DCUN1D4: variants seen among roughly 807,000 people sequenced by gnomAD.
DCUN1D4 encodes defective in cullin neddylation 1 domain containing 4.
In DCUN1D4, 22 loss-of-function variants were observed where a neutral mutation model predicts 47.9. The ratio of observed to expected loss-of-function variants is 0.46; its 90% CI spans 0.33 to 0.66. DCUN1D4 has a LOEUF of 0.66. Among genes scored for constraint, DCUN1D4 ranks in the 30% least tolerant of loss-of-function variants. The probability of loss-of-function intolerance (pLI) is 0.02; values close to 1 mark genes in which losing one functional copy is unlikely to be tolerated. For missense variants in DCUN1D4, 301 were observed against 340.8 expected (o/e 0.88, Z 0.92); for synonymous variants, 121 against 112.2 (o/e 1.08, Z -0.50).
chr4:51,837,926 C>T, the DCUN1D4 span, among the ~76,000 whole-genome samples: 1 of 152,088 alleles, frequency 6.6e-6, no homozygotes, highest in African/African-American at 2.4e-5. Context: ...CCTGCAATCC[C>T]AGCACTTTGA....
rs1056557471 is a variant in DCUN1D4, at chr4:51,914,115, A to T, written c.*531A>T. On this transcript the variant is annotated 3_prime_UTR_variant, in exon 11 of 11. Coordinates refer to ENST00000334635, the MANE Select transcript of DCUN1D4 (RefSeq NM_001040402.3). ...AACTTTTTAGAGGCATATGCCAAAT[A>T]TCATTTGGTATACTTAACAATATTA... 6.5e-6 allele frequency: 1 copy of T among 152,798 alleles called. No homozygotes were observed. The highest frequency in any genetic ancestry group is 2.4e-5 in the African/African-American group (1 of 41,450). The allele number at this position is 152,798 out of a possible 1,614,324, so 9.5% of individuals were successfully genotyped here.
the DCUN1D4 span, among the ~76,000 whole-genome samples, chr4:51,834,108 T>TTTTTC: frequency 9.5e-5 from 12 of 125,968 alleles, 1 homozygote; most frequent in African/African-American, 4.6e-4. Context: ...TCTTTCTTTT[T>TTTTTC]TTTTTCTTTT....
upstream of DCUN1D4, among the ~76,000 whole-genome samples, chr4:51,840,250 A>T (rs1721596238): frequency 1.3e-5 from 2 of 152,188 alleles, no homozygotes; most frequent in Admixed American, 1.3e-4. Context: ...CTTTGGGAAT[A>T]CTACAAATGA....
chr4:51,874,455 A>G (rs1008127820), intron 4 of DCUN1D4, 70 bp downstream of exon 4: 11 of 1,151,222 alleles, frequency 9.6e-6, no homozygotes, highest in Non-Finnish European at 1.2e-5. Flanking sequence ...TACCTAATTC[A>G]GTGTGGGTCT....
At chr4:51,869,410 G>A (rs1223026897) in intron 3 of DCUN1D4, among the ~76,000 whole-genome samples, 1 of 152,132 alleles carries the variant, frequency 6.6e-6, no homozygotes. Flanking sequence ...TACTGAAGTG[G>A]CAGAATGAGC....
chr4:51,864,307 G>C (rs1725556186), intron 3 of DCUN1D4, among the ~76,000 whole-genome samples: 1 of 152,154 alleles, frequency 6.6e-6, no homozygotes, highest in Admixed American at 6.5e-5. Context: ...AGCTGGTCTG[G>C]AGACCACTCT....
At chr4:51,891,914 C>G in intron 7 of DCUN1D4, 63 bp downstream of exon 7, 5 of 1,280,500 alleles carry the variant, frequency 3.9e-6, no homozygotes, top group South Asian at 3.9e-5. Flanking sequence ...TCCTTCCTCC[C>G]TAGGACTTCA....
chr4:51,876,896 A>G (rs1003004451), intron 4 of DCUN1D4, among the ~76,000 whole-genome samples: 1 of 152,192 alleles, frequency 6.6e-6, no homozygotes, highest in African/African-American at 2.4e-5. Context: ...ATACACCACT[A>G]GGTAATTTAT....
chr4:51,882,738 G>A (rs944268082), intron 5 of DCUN1D4, among the ~76,000 whole-genome samples: 2 of 152,134 alleles, frequency 1.3e-5, no homozygotes, highest in African/African-American at 4.8e-5. Flanking sequence ...CTGCACTCCA[G>A]CCTGGGCGAC....
intron 3 of DCUN1D4, chr4:51,865,408 G>A (rs1663704183): frequency 6.3e-6 from 1 of 159,572 alleles, no homozygotes. Context: ...CCTGCAGCCT[G>A]TACAGACCCT....
intron 1 of DCUN1D4, among the ~76,000 whole-genome samples, chr4:51,846,050 G>A (rs1722494345): frequency 6.6e-6 from 1 of 152,104 alleles, no homozygotes; most frequent in African/African-American, 2.4e-5. Context: ...CTTCAAAATG[G>A]TGTTTTTAAA....
intron 9 of DCUN1D4, among the ~76,000 whole-genome samples, chr4:51,912,344 G>A (rs1319338606): frequency 6.6e-6 from 1 of 152,108 alleles, no homozygotes; most frequent in East Asian, 1.9e-4. Flanking sequence ...AACTGTTTCA[G>A]GACTGGTTTT....
intron 1 of DCUN1D4, chr4:51,845,143 T>G (rs1577810377): frequency 6.1e-6 from 6 of 985,432 alleles, no homozygotes; most frequent in Non-Finnish European, 7.2e-6. Flanking sequence ...AGCAACACAA[T>G]GTAAAGCAGC....
rs188077167 is a variant in DCUN1D4, at chr4:51,910,125, A to G, written c.616-945A>G. On this transcript the variant is annotated intron_variant, in intron 8 of 10. Transcript: ENST00000334635. ...GCACTTTCTCCCTTTGTAAAAAACTACTTTTACAAATTTCCACTGTAGTTA... is the reference window on the plus strand; with the variant it reads ...GCACTTTCTCCCTTTGTAAAAAACTGCTTTTACAAATTTCCACTGTAGTTA... Among the ~76,000 whole-genome samples the G allele has an allele frequency of 2.5e-3, 378 of 152,284 alleles. 3 individuals are homozygous for G. Among genetic ancestry groups the G allele is most frequent in the African/African-American group, 8.8e-3 (367 of 41,572 alleles).
At chr4:51,872,379 C>G (rs1347954425) in intron 3 of DCUN1D4, among the ~76,000 whole-genome samples, 6 of 152,198 alleles carry the variant, frequency 3.9e-5, no homozygotes, top group Non-Finnish European at 8.8e-5. Context: ...TTCACATTCA[C>G]TGTGTCCACT....
chr4:51,877,080 C>T (rs1048418541), intron 4 of DCUN1D4, among the ~76,000 whole-genome samples: 4 of 152,112 alleles, frequency 2.6e-5, no homozygotes, highest in African/African-American at 9.7e-5. Flanking sequence ...CAGGAGGCTG[C>T]TGTGCTTCCT....
At chr4:51,866,075 A>T (rs1188700642) in intron 3 of DCUN1D4, among the ~76,000 whole-genome samples, 1 of 152,190 alleles carries the variant, frequency 6.6e-6, no homozygotes, top group East Asian at 1.9e-4. Context: ...TTCCAGGGAA[A>T]GGAGTGAGAC....
At chr4:51,904,696 T>G (rs990948157) in intron 8 of DCUN1D4, among the ~76,000 whole-genome samples, 9 of 152,208 alleles carry the variant, frequency 5.9e-5, no homozygotes, top group African/African-American at 2.2e-4. Context: ...GAAGCCATCA[T>G]TTCACCTTTT....
chr4:51,907,634 T>G (rs560777541), intron 8 of DCUN1D4, among the ~76,000 whole-genome samples: 4 of 152,344 alleles, frequency 2.6e-5, no homozygotes, highest in African/African-American at 9.6e-5. Context: ...GAAAATCTTC[T>G]GGGTTTTAAT....
Sources: gnomAD v4.1 joint callset for allele counts (sites outside exome capture counted in the v4.1 genomes callset) on GRCh38, gnomAD v4.1.1 for gene constraint, MANE v1.5 for transcripts, NCBI Gene and HGNC (gene_info 2026-07-23, HGNC 2026-07-21) for gene names.